The following CLIP4 variants were observed in gnomAD, a reference collection of about 807,000 sequenced individuals.
CLIP4 encodes the protein CAP-Gly domain containing linker protein family member 4.
CLIP4 carries 47 observed loss-of-function variants against 73.1 expected under a neutral mutation model. The observed-to-expected ratio is 0.64, with a 90% CI of 0.51 to 0.82. The LOEUF (loss-of-function observed/expected upper bound fraction) is 0.82, where lower values mean the gene tolerates loss of function less well. Ranked by LOEUF, CLIP4 falls within the 40% of genes least tolerant of loss-of-function variation. The probability of loss-of-function intolerance (pLI) is 0.00; values close to 1 mark genes in which losing one functional copy is unlikely to be tolerated. For synonymous variants in CLIP4, 306 were observed against 295.4 expected (o/e 1.04, Z -0.37); for missense variants, 874 against 852.9 (o/e 1.02, Z -0.31).
rs75691110 is a variant in CLIP4, at chr2:29,182,082, T to G, written c.*189T>G. 1.7e-3 allele frequency: 762 copies of G among 435,852 alleles called. 6 individuals carry two copies. Among genetic ancestry groups the G allele is most frequent in the African/African-American group, 0.014 (702 of 49,168 alleles). The allele number at this position is 435,852 out of a possible 1,614,324, so 27.0% of individuals were successfully genotyped here. On this transcript the variant is annotated 3_prime_UTR_variant, in exon 16 of 16. Coordinates refer to ENST00000320081, the MANE Select transcript of CLIP4 (RefSeq NM_024692.6). ...TATGAACTATGGGGAATCATGGTTC[T>G]TTTAAAGCAATTTTCAAAATAAGTA...
intron 15 of CLIP4, among the ~76,000 whole-genome samples, chr2:29,180,550 T>C (rs1668587080): frequency 6.6e-6 from 1 of 152,210 alleles, no homozygotes; most frequent in Non-Finnish European, 1.5e-5. Context: ...CTGGAGTTCA[T>C]ACATAGAACA....
intron 15 of CLIP4, among the ~76,000 whole-genome samples, chr2:29,180,059 G>T (rs1668558737): frequency 6.6e-6 from 1 of 152,176 alleles, no homozygotes; most frequent in South Asian, 2.1e-4. Flanking sequence ...AATGAAATAT[G>T]AAATAAGTAA....
intron 12 of CLIP4, among the ~76,000 whole-genome samples, chr2:29,163,363 T>C (rs897809577): frequency 2.0e-5 from 3 of 152,154 alleles, no homozygotes; most frequent in African/African-American, 4.8e-5. Flanking sequence ...TTTTTGTCCT[T>C]CTTTAATTAT....
chr2:29,146,665 G>C (rs747371737), intron 8 of CLIP4, among the ~76,000 whole-genome samples: 1 of 152,142 alleles, frequency 6.6e-6, no homozygotes, highest in African/African-American at 2.4e-5. Context: ...TGGTGAGGTG[G>C]TGTGGTATGA....
At chr2:29,121,697 T>G (rs1199455089) in intron 2 of CLIP4, among the ~76,000 whole-genome samples, 176 bp downstream of exon 2, 1 of 152,234 alleles carries the variant, frequency 6.6e-6, no homozygotes, top group Non-Finnish European at 1.5e-5. Flanking sequence ...TTAAGCTAAA[T>G]GCTTTATTTC....
At chr2:29,113,877 C>G (rs1468400813), upstream of CLIP4, 3 of 152,230 alleles carry the variant, frequency 2.0e-5, no homozygotes, top group Non-Finnish European at 4.4e-5. This position sits in a 1 kb window ranked among gnomAD's most constrained non-coding sequence, Gnocchi z 4.0. Context: ...CAACCAAGGG[C>G]AGATTGCCTT....
chr2:29,148,441 A>G (rs931888400), intron 8 of CLIP4, among the ~76,000 whole-genome samples: 13 of 152,188 alleles, frequency 8.5e-5, no homozygotes, highest in African/African-American at 2.9e-4. Flanking sequence ...GTAGAAAATG[A>G]TAAGTTTTAA....
At chr2:29,143,635 C>G in intron 6 of CLIP4, 74 bp from the exon 7 acceptor site, 1 of 1,004,810 alleles carries the variant, frequency 1.0e-6, no homozygotes. Context: ...TAAAGTTCTT[C>G]CAACAGAAAT....
At chr2:29,125,443 A>G (rs770003238) in intron 2 of CLIP4, among the ~76,000 whole-genome samples, 1 of 152,066 alleles carries the variant, frequency 6.6e-6, no homozygotes, top group Non-Finnish European at 1.5e-5. Flanking sequence ...TCTCTGCTGT[A>G]TTCTGCCCTG....
intron 2 of CLIP4, among the ~76,000 whole-genome samples, chr2:29,124,433 G>A (rs1452156215): frequency 2.6e-5 from 4 of 151,946 alleles, no homozygotes; most frequent in Admixed American, 6.6e-5. Context: ...TATGTGCTTA[G>A]GTATTGTTTT....
rs150217240 is a variant in CLIP4 at position 29,166,717 on chromosome 2, A to G, written c.1659-759A>G. On this transcript the variant is annotated intron_variant, in intron 13 of 15. Coordinates refer to ENST00000320081, the MANE Select transcript of CLIP4 (RefSeq NM_024692.6). ...ATATCCATTCTCTTCATAAAATCAT[A>G]TTCTTTGTGTCCATCAGTCTCTCAT... Among the ~76,000 whole-genome samples, 56 of 152,290 alleles carry G rather than the reference A, an allele frequency of 3.7e-4. No homozygotes were observed. In the East Asian group the frequency reaches 0.011, roughly 29 times the overall value.
rs72862365 is a variant in CLIP4, at chr2:29,151,845, A to G, written c.1022-840A>G. Among the ~76,000 whole-genome samples, 328 of 152,148 alleles carry G rather than the reference A, an allele frequency of 2.2e-3. 1 individual carries two copies. Among genetic ancestry groups the G allele is most frequent in the African/African-American group, 7.4e-3 (307 of 41,486 alleles). On this transcript the variant is annotated intron_variant, in intron 8 of 15. Coordinates refer to ENST00000320081, the MANE Select transcript of CLIP4 (RefSeq NM_024692.6). ...TTTATAGTCTGTATTCACTATCTCT[A>G]ATGTCGGTGCATACTTTGTATGCTG...
At chr2:29,158,565 C>G (rs1039539035) in intron 11 of CLIP4, among the ~76,000 whole-genome samples, 1 of 151,934 alleles carries the variant, frequency 6.6e-6, no homozygotes, top group Non-Finnish European at 1.5e-5. Context: ...GTTGGGAACC[C>G]CAGAGACATG....
chr2:29,135,585 A>G lies in CLIP4; in HGVS notation c.567A>G (p.Thr189=), dbSNP rs1445992592. 6.2e-7 allele frequency: 1 copy of G among 1,608,668 alleles called. No individual in the cohort carries two copies. The highest frequency in any genetic ancestry group is 1.3e-5 in the African/African-American group (1 of 74,652). Residue 189 remains threonine, a synonymous_variant, in exon 6 of 16, where the codon ACA becomes ACG. Coordinates refer to ENST00000320081, the MANE Select transcript of CLIP4 (RefSeq NM_024692.6). ...DATCSDFNFG[T]ALHIAAYNLC... is the part of the protein sequence containing the mutation. ...CTTGCAGTGATTTTAATTTTGGAAC[A>G]GCTTTGCATATTGCAGCATACAACT...
Position 29,145,292 on chromosome 2 carries a change from G to C in CLIP4, c.946G>C (p.Glu316Gln). The C allele has an allele frequency of 6.2e-7, 1 of 1,613,740 alleles. No individual in the cohort carries two copies. The highest frequency in any genetic ancestry group is 8.5e-7 in the Non-Finnish European group (1 of 1,179,742). Reference protein sequence around the residue: ...EFASGQWAGIELDEPEGKNNG... With the variant: ...EFASGQWAGIQLDEPEGKNNG... ...TGCAAGTGGGCAGTGGGCTGGCATT[G>C]AACTGGATGAACCAGAAGGAAAAAA... is the stretch of plus-strand genomic sequence containing the variant. Residue 316 changes from glutamate (E) to glutamine (Q), a missense_variant, in exon 8 of 16, where the codon GAA (glutamate) becomes CAA (glutamine). Transcript: ENST00000320081.
At position 29,182,877 on chromosome 2, in the gene CLIP4, G is replaced by A. The variant is rs77302120; in HGVS notation, c.*984G>A. ...AACATTTTAAAAAACGTATTTAACA[G>A]AAGAGAGCAAATAAAGATATATCAG... On this transcript the variant is annotated 3_prime_UTR_variant, in exon 16 of 16. Transcript: ENST00000320081. The A allele has an allele frequency of 0.097, 14,784 of 152,614 alleles. 783 individuals carry two copies. The highest frequency in any genetic ancestry group is 0.12 in the African/African-American group (4,888 of 41,514). The allele number at this position is 152,614 out of a possible 1,614,324, so 9.5% of individuals were successfully genotyped here. A position where few individuals can be genotyped will look rare whatever the true frequency, so the allele number is the denominator to read the frequency against.
intron 13 of CLIP4, among the ~76,000 whole-genome samples, chr2:29,164,181 A>G (rs911868831): frequency 6.6e-6 from 1 of 152,226 alleles, no homozygotes; most frequent in Non-Finnish European, 1.5e-5. Flanking sequence ...TGCAAACCCT[A>G]TGAGTATGTG....
intron 15 of CLIP4, among the ~76,000 whole-genome samples, chr2:29,176,310 T>G (rs951193519): frequency 1.3e-5 from 2 of 152,202 alleles, no homozygotes; most frequent in African/African-American, 4.8e-5. Context: ...GACACGTGTG[T>G]TGAGAAAGTA....
intron 14 of CLIP4, among the ~76,000 whole-genome samples, chr2:29,172,424 T>C (rs1313300142): frequency 6.6e-6 from 1 of 152,146 alleles, no homozygotes; most frequent in Non-Finnish European, 1.5e-5. Flanking sequence ...TTTAAAGATA[T>C]TTTCCCCCTG....
Sources: allele counts gnomAD v4.1 joint callset (sites outside exome capture counted in the v4.1 genomes callset), GRCh38; gene constraint gnomAD v4.1.1; non-coding constraint Gnocchi (gnomAD v3.1); transcripts MANE v1.5; gene names NCBI Gene and HGNC (gene_info 2026-07-23, HGNC 2026-07-21).